Variants in SNAPC3 observed in about 807,000 individuals in gnomAD.
The protein encoded by SNAPC3 is snRNA-activating protein complex subunit 3.
In SNAPC3, 56 loss-of-function variants were observed where a neutral mutation model predicts 47.7. That is an observed-to-expected ratio of 1.18 (90% CI 0.95 to 1.47). The LOEUF is 1.47. Ranked by LOEUF, SNAPC3 falls within the 40% of genes most tolerant of loss-of-function variation. SNAPC3 has a pLI of 0.00. For synonymous variants in SNAPC3, 235 were observed against 189.9 expected (o/e 1.24, Z -1.95); for missense variants, 665 against 511.3 (o/e 1.30, Z -2.90).
intron 1 of SNAPC3, 73 bp downstream of exon 1, chr9:15,423,266 G>C (rs1369290560): frequency 7.1e-7 from 1 of 1,411,122 alleles, no homozygotes; most frequent in Non-Finnish European, 9.4e-7. Context: ...CGCTCCTCTG[G>C]GACTCATCCC....
chr9:15,458,165 G>T (rs2034942998), intron 8 of SNAPC3, 98 bp downstream of exon 8: 2 of 621,866 alleles, frequency 3.2e-6, no homozygotes, highest in South Asian at 4.8e-5. Flanking sequence ...TTGTACTTTA[G>T]GTTATAAATA....
chr9:15,422,890 G>A lies in SNAPC3; in HGVS notation c.11G>A (p.Gly4Glu), dbSNP rs1470092999. 1.3e-6 allele frequency: 2 copies of A among 1,535,738 alleles called. No homozygotes were observed. The highest frequency in any genetic ancestry group is 2.6e-5 in the East Asian group (1 of 39,114). The part of the protein sequence containing the change: MAE[G>E]SRGGPTCSGV... Reference sequence around the variant, plus strand: ...AGGAGTGGGGCGAACATGGCTGAAGGAAGCCGAGGTGGCCCTACGTGTAGC... The same window carrying A: ...AGGAGTGGGGCGAACATGGCTGAAGAAAGCCGAGGTGGCCCTACGTGTAGC... The change falls in exon 1 of 9, where the codon GGA becomes GAA. Residue 4 changes from glycine to glutamate, a missense_variant. By Grantham distance (98) the Gly-to-Glu change is moderately conservative. Transcript: ENST00000380821.
chr9:15,439,146 A>G (rs2033095176), intron 3 of SNAPC3, among the ~76,000 whole-genome samples: 1 of 152,022 alleles, frequency 6.6e-6, no homozygotes. Flanking sequence ...AGTAGACAGG[A>G]CTGTAAACTT....
chr9:15,462,772 TTACAC>T (rs1252792540), downstream of SNAPC3: 1 of 152,246 alleles, frequency 6.6e-6, no homozygotes, highest in African/African-American at 2.4e-5. Context: ...TGTTGCAGAA[TTACAC>T]GACACAAACA....
chr9:15,424,739 A>C (rs1035337459), intron 2 of SNAPC3, among the ~76,000 whole-genome samples: 1 of 152,204 alleles, frequency 6.6e-6, no homozygotes. Context: ...TGTAATAGTG[A>C]AATTTATAAT....
chr9:15,441,275 A>C (rs906041609), intron 3 of SNAPC3, among the ~76,000 whole-genome samples: 2 of 150,756 alleles, frequency 1.3e-5, no homozygotes, highest in Non-Finnish European at 2.9e-5. Context: ...GGGATGACTG[A>C]ATCATGTAGT....
At chr9:15,428,770 A>C (rs1027576177) in intron 2 of SNAPC3, among the ~76,000 whole-genome samples, 5 of 152,160 alleles carry the variant, frequency 3.3e-5, no homozygotes, top group Non-Finnish European at 2.9e-5. Flanking sequence ...TGAAAGCAAG[A>C]GGCAATGAAG....
Position 15,457,973 on chromosome 9 carries a change from G to C in SNAPC3, c.994G>C (p.Asp332His). The stretch of plus-strand genomic sequence containing the variant: ...CACGAACAAAAGGCTTGTGCATCAT[G>C]ATGACTGCTTGGATAGGACATTGTA... ...VITDIRLVHHDDCLDRTLYPL... is the reference protein window; with the variant it reads ...VITDIRLVHHHDCLDRTLYPL... Residue 332 changes from aspartate to histidine, a missense_variant, in exon 8 of 9, where the codon GAT becomes CAT. Physicochemically the swap from Asp to His is moderately conservative, Grantham distance 81. Transcript: ENST00000380821. The C allele has an allele frequency of 6.3e-7, 1 of 1,580,544 alleles. No homozygotes were observed. The highest frequency in any genetic ancestry group is 8.6e-7 in the Non-Finnish European group (1 of 1,167,240).
At chr9:15,459,037 C>T (rs1035358935) in intron 8 of SNAPC3, among the ~76,000 whole-genome samples, 10 of 152,146 alleles carry the variant, frequency 6.6e-5, no homozygotes, top group African/African-American at 2.4e-4. Context: ...CTTGTATCTT[C>T]AGTTTGTTTT....
intron 3 of SNAPC3, among the ~76,000 whole-genome samples, chr9:15,438,091 A>T (rs975034784): frequency 6.6e-6 from 1 of 152,210 alleles, no homozygotes; most frequent in Non-Finnish European, 1.5e-5. Flanking sequence ...AGAATTTACC[A>T]GTGAAGTCAT....
chr9:15,431,048 C>G (rs778130099), intron 2 of SNAPC3, among the ~76,000 whole-genome samples: 4 of 152,216 alleles, frequency 2.6e-5, no homozygotes, highest in Admixed American at 1.3e-4. Flanking sequence ...TCTCAGGAGT[C>G]TCAAAGGTTT....
At chr9:15,428,487 C>T (rs1244990349) in intron 2 of SNAPC3, among the ~76,000 whole-genome samples, 3 of 129,470 alleles carry the variant, frequency 2.3e-5, no homozygotes, top group Admixed American at 1.9e-4. Context: ...CCAGCCTGGG[C>T]GACACAGCGA....
At chr9:15,457,046 C>G (rs1488106063) in intron 7 of SNAPC3, among the ~76,000 whole-genome samples, 1 of 152,094 alleles carries the variant, frequency 6.6e-6, no homozygotes, top group East Asian at 1.9e-4. Context: ...AGGATTTACC[C>G]AAAGCCATGG....
At position 15,451,302 on chromosome 9, in the gene SNAPC3, C is replaced by G; in HGVS notation, c.733-18C>G. ...GTTAATAGTTGATTTTCTCTCAATA[C>G]AATCTGTTTTCTTGTAGGACCTATA... On this transcript the variant is annotated intron_variant, in intron 5 of 8. Coordinates refer to ENST00000380821, the MANE Select transcript of SNAPC3 (RefSeq NM_001039697.2). 1 of 1,048,822 alleles carries G rather than the reference C, an allele frequency of 9.5e-7. No homozygotes were observed. Among genetic ancestry groups the G allele is most frequent in the Non-Finnish European group, 1.4e-6 (1 of 713,092 alleles). 65.0% of individuals were successfully genotyped at this position (1,048,822 alleles called of 1,614,324 possible). A position where few individuals can be genotyped will look rare whatever the true frequency, so the allele number is the denominator to read the frequency against.
chr9:15,465,756 CTG>C (rs1449142598), downstream of SNAPC3: 33 of 538,268 alleles, frequency 6.1e-5, no homozygotes, highest in Admixed American at 1.9e-4. Flanking sequence ...TTCTTCAAAA[CTG>C]TTATTTTACC....
chr9:15,426,682 GT>G (rs1277689428), intron 2 of SNAPC3, among the ~76,000 whole-genome samples: 1 of 152,116 alleles, frequency 6.6e-6, no homozygotes, highest in Non-Finnish European at 1.5e-5. Flanking sequence ...TAGTAATTTT[GT>G]TAAGCCATGT....
rs78242501 is a variant in SNAPC3, at chr9:15,443,921, G to T, written c.478-681G>T. On this transcript the variant is annotated intron_variant, in intron 3 of 8. Coordinates refer to ENST00000380821, the MANE Select transcript of SNAPC3 (RefSeq NM_001039697.2). ...CTGATTGTTGTAAGTGTCCCATCAG[G>T]TTCCAGAGTTCCCAAATAGTTTATT... 4.2e-3 allele frequency among the ~76,000 whole-genome samples: 633 copies of T among 152,266 alleles called. 1 individual carries two copies. The highest frequency in any genetic ancestry group is 0.014 in the African/African-American group (570 of 41,534).
In SNAPC3 at chr9:15,422,901, G is replaced by A. The variant is rs1010120659; in HGVS notation, c.22G>A (p.Gly8Ser). Residue 8 changes from glycine (G) to serine (S), a missense_variant, in exon 1 of 9, where the codon GGC (glycine) becomes AGC (serine). Transcript: ENST00000380821. Reference sequence around the variant, plus strand: ...GAACATGGCTGAAGGAAGCCGAGGTGGCCCTACGTGTAGCGGGGTGGGTGG... The same window carrying A: ...GAACATGGCTGAAGGAAGCCGAGGTAGCCCTACGTGTAGCGGGGTGGGTGG... MAEGSRG[G>S]PTCSGVGGRQ... 3 of 1,535,214 alleles carry A rather than the reference G, an allele frequency of 2.0e-6. No homozygotes were observed. The highest frequency in any genetic ancestry group is 1.8e-6 in the Non-Finnish European group (2 of 1,141,376).
intron 5 of SNAPC3, among the ~76,000 whole-genome samples, chr9:15,449,960 T>C (rs1247644134): frequency 1.3e-5 from 2 of 152,182 alleles, no homozygotes; most frequent in African/African-American, 4.8e-5. Context: ...AGTAAGTTGC[T>C]TAAATCACCT....
Sources: gnomAD v4.1 joint callset for allele counts (sites outside exome capture counted in the v4.1 genomes callset) on GRCh38, gnomAD v4.1.1 for gene constraint, MANE v1.5 for transcripts, NCBI Gene and HGNC (gene_info 2026-07-23, HGNC 2026-07-21) for gene names.